Variants in OR2L13 observed in about 807,000 individuals in gnomAD.
The protein encoded by OR2L13 is olfactory receptor 2L13.
Under a neutral mutation model 15.3 loss-of-function variants are expected in OR2L13, and 14 were observed. The observed-to-expected ratio is 0.91, with a 90% CI of 0.60 to 1.43. The LOEUF (loss-of-function observed/expected upper bound fraction) is 1.43, where lower values mean the gene tolerates loss of function less well. OR2L13 is among the 40% of genes most tolerant of loss of function. OR2L13 has a pLI of 0.00. For missense variants in OR2L13, 367 were observed against 387.9 expected, an observed-to-expected ratio of 0.95 and a Z score of 0.45; for synonymous variants, 152 against 142.9, an observed-to-expected ratio of 1.06 and a Z score of -0.45.
At chr1:248,077,761 C>T in the OR2L13 span, among the ~76,000 whole-genome samples, 3 of 152,250 alleles carry the variant, frequency 2.0e-5, no homozygotes, top group South Asian at 6.2e-4. Context: ...CCAATCACAG[C>T]TCTGTCAAAG....
chr1:248,052,869 A>T, the OR2L13 span, among the ~76,000 whole-genome samples: 1 of 151,880 alleles, frequency 6.6e-6, no homozygotes, highest in Non-Finnish European at 1.5e-5. Flanking sequence ...GAAAAAAAAA[A>T]TTTATCATTT....
At chr1:248,053,011 A>T in the OR2L13 span, among the ~76,000 whole-genome samples, 1 of 152,040 alleles carries the variant, frequency 6.6e-6, no homozygotes, top group Non-Finnish European at 1.5e-5. Context: ...TTTCATGGGT[A>T]AACGTGTGCC....
At chr1:247,977,350 C>G in the OR2L13 span, among the ~76,000 whole-genome samples, 2 of 152,126 alleles carry the variant, frequency 1.3e-5, no homozygotes, top group Admixed American at 1.3e-4. Context: ...AAAATGAAAT[C>G]TTTTCTATAT....
At chr1:247,955,407 A>G in the OR2L13 span, among the ~76,000 whole-genome samples, 3,673 of 151,088 alleles carry the variant, frequency 0.024, 59 homozygotes, top group East Asian at 0.037. Flanking sequence ...CACAATAAAC[A>G]TATGTGTGCA....
the OR2L13 span, chr1:248,023,038 A>G: frequency 3.0e-6 from 2 of 673,976 alleles, no homozygotes; most frequent in Admixed American, 3.4e-5. Context: ...TTATAGTTGC[A>G]TATTCTAAGA....
At chr1:248,099,768 T>C (rs1447969781) in exon 3 of OR2L13, 12 of 1,614,024 alleles carry the variant, frequency 7.4e-6, no homozygotes, top group Non-Finnish European at 2.5e-6. Context: ...CTCTCTATTA[T>C]CCTATCCGCA....
chr1:248,078,098 A>T, the OR2L13 span, among the ~76,000 whole-genome samples: 1 of 152,228 alleles, frequency 6.6e-6, no homozygotes, highest in African/African-American at 2.4e-5. Flanking sequence ...AATAAACTAC[A>T]TACGTATCAG....
chr1:248,061,691 T>C, the OR2L13 span: 6 of 1,340,874 alleles, frequency 4.5e-6, no homozygotes, highest in Admixed American at 1.6e-4. Flanking sequence ...ATTAAAATAT[T>C]ATTTCAATCC....
the OR2L13 span, among the ~76,000 whole-genome samples, chr1:248,042,913 G>A: frequency 2.0e-5 from 3 of 152,178 alleles, no homozygotes; most frequent in Non-Finnish European, 4.4e-5. Context: ...TAAATTCATC[G>A]TAATTAAACA....
At chr1:247,977,803 C>A in the OR2L13 span, among the ~76,000 whole-genome samples, 1 of 152,102 alleles carries the variant, frequency 6.6e-6, no homozygotes, top group Non-Finnish European at 1.5e-5. Flanking sequence ...TCTAGTGGAT[C>A]CACTGACGCA....
chr1:248,019,545 A>G, the OR2L13 span, among the ~76,000 whole-genome samples: 1 of 152,228 alleles, frequency 6.6e-6, no homozygotes, highest in African/African-American at 2.4e-5. Flanking sequence ...TAATTTTTCT[A>G]TATGGTGTAA....
the OR2L13 span, chr1:248,003,433 C>G: frequency 1.2e-6 from 2 of 1,610,352 alleles, no homozygotes; most frequent in South Asian, 1.1e-5. Flanking sequence ...TTCAGAGTTT[C>G]TTCTTCACGA....
the OR2L13 span, among the ~76,000 whole-genome samples, chr1:248,087,319 C>A: frequency 6.6e-6 from 1 of 152,178 alleles, no homozygotes; most frequent in Admixed American, 6.6e-5. Flanking sequence ...TTTCAAAACA[C>A]CCTGTGGATG....
At chr1:248,036,008 A>C in the OR2L13 span, among the ~76,000 whole-genome samples, 3 of 152,194 alleles carry the variant, frequency 2.0e-5, no homozygotes, top group African/African-American at 7.2e-5. Flanking sequence ...TAAAATTTTT[A>C]GAATGTTTTC....
At chr1:248,008,797 C>A in the OR2L13 span, among the ~76,000 whole-genome samples, 1 of 152,156 alleles carries the variant, frequency 6.6e-6, no homozygotes, top group Non-Finnish European at 1.5e-5. Flanking sequence ...TTCAAACACT[C>A]CTCAGCAAAT....
the OR2L13 span, among the ~76,000 whole-genome samples, chr1:248,037,148 T>C: frequency 6.6e-6 from 1 of 152,114 alleles, no homozygotes; most frequent in Non-Finnish European, 1.5e-5. Flanking sequence ...TGAATTACAT[T>C]TCATGAAAAA....
At chr1:247,954,444 A>G in the OR2L13 span, among the ~76,000 whole-genome samples, 7 of 152,150 alleles carry the variant, frequency 4.6e-5, no homozygotes, top group African/African-American at 1.4e-4. Context: ...CAAATTCAAC[A>G]TAAGATCCTT....
the OR2L13 span, among the ~76,000 whole-genome samples, chr1:248,064,047 A>C: frequency 3.3e-5 from 5 of 152,218 alleles, no homozygotes; most frequent in African/African-American, 1.2e-4. Flanking sequence ...TAGGTCCACG[A>C]AGCCAGTCCT....
chr1:248,056,724 T>A, the OR2L13 span, among the ~76,000 whole-genome samples: 1 of 149,532 alleles, frequency 6.7e-6, no homozygotes, highest in Admixed American at 6.8e-5. Context: ...CTCTGCTCAC[T>A]TCAACTTTTG....
Sources: allele counts gnomAD v4.1 joint callset (sites outside exome capture counted in the v4.1 genomes callset), GRCh38; gene constraint gnomAD v4.1.1; transcripts MANE v1.5; gene names NCBI Gene and HGNC (gene_info 2026-07-23, HGNC 2026-07-21).